Variants in TRMT11 observed in about 807,000 individuals in gnomAD.
TRMT11 encodes tRNA (guanine(10)-N(2))-methyltransferase TRMT11.
Under a neutral mutation model 62.8 loss-of-function variants are expected in TRMT11, and 53 were observed. The observed-to-expected ratio is 0.84, with a 90% CI of 0.68 to 1.06. The LOEUF (loss-of-function observed/expected upper bound fraction) is 1.06, where lower values mean the gene tolerates loss of function less well. Among genes scored for constraint, TRMT11 ranks in the 50% least tolerant of loss-of-function variants. TRMT11 has a pLI of 0.00. For missense variants in TRMT11, 556 were observed against 553.4 expected, an observed-to-expected ratio of 1.00 and a Z score of -0.05; for synonymous variants, 188 against 190.3, an observed-to-expected ratio of 0.99 and a Z score of 0.10.
intron 17 of TRMT11, among the ~76,000 whole-genome samples, chr6:126,055,438 A>G (rs1583848259): frequency 6.6e-6 from 1 of 152,248 alleles, no homozygotes; most frequent in Admixed American, 6.5e-5. Flanking sequence ...TGAACATCAG[A>G]TGAATAAAAG....
upstream of TRMT11, among the ~76,000 whole-genome samples, chr6:126,175,712 G>A (rs1778377826): frequency 6.6e-6 from 1 of 152,210 alleles, no homozygotes; most frequent in East Asian, 1.9e-4. Flanking sequence ...CTATTAGAAA[G>A]CATGAATATC....
intron 21 of TRMT11, among the ~76,000 whole-genome samples, chr6:126,149,178 A>G (rs1427984458): frequency 6.6e-6 from 1 of 152,210 alleles, no homozygotes; most frequent in Non-Finnish European, 1.5e-5. Context: ...AGCCAGAAGG[A>G]TGGTTTGTAA....
At chr6:126,011,548 T>G in intron 9 of TRMT11, 131 bp downstream of exon 9, 1 of 708,498 alleles carries the variant, frequency 1.4e-6, no homozygotes, top group Non-Finnish European at 2.3e-6. Context: ...ACCCCCAGCT[T>G]CTTCATCTTG....
chr6:126,245,395 A>G, the TRMT11 span, among the ~76,000 whole-genome samples: 1 of 152,256 alleles, frequency 6.6e-6, no homozygotes, highest in Non-Finnish European at 1.5e-5. Flanking sequence ...AAGATGGCAT[A>G]GAATCTACGT....
chr6:126,069,850 T>G (rs1388744563), intron 17 of TRMT11, among the ~76,000 whole-genome samples: 2 of 151,088 alleles, frequency 1.3e-5, no homozygotes, highest in African/African-American at 4.9e-5. Flanking sequence ...TTTCTGTAGA[T>G]GAAGGTTTTT....
intron 1 of TRMT11, among the ~76,000 whole-genome samples, chr6:126,181,052 T>A (rs1778460014): frequency 6.6e-6 from 1 of 152,232 alleles, no homozygotes; most frequent in Non-Finnish European, 1.5e-5. Context: ...AGGACACACA[T>A]TTAGAAAGAG....
chr6:126,043,623 T>G (rs1194126852), downstream of TRMT11, among the ~76,000 whole-genome samples: 4 of 152,034 alleles, frequency 2.6e-5, no homozygotes, highest in South Asian at 8.3e-4. Context: ...CCTGAGGAAT[T>G]GCCACACTGA....
intron 1 of TRMT11, among the ~76,000 whole-genome samples, chr6:126,194,887 G>A (rs1468414716): frequency 5.3e-5 from 8 of 152,116 alleles, no homozygotes; most frequent in Admixed American, 5.2e-4. Flanking sequence ...GGCTGAGGAG[G>A]GAGGATTACT....
intron 21 of TRMT11, among the ~76,000 whole-genome samples, chr6:126,167,162 T>C (rs1268071804): frequency 1.3e-5 from 2 of 152,060 alleles, no homozygotes; most frequent in South Asian, 2.1e-4. Context: ...CACTGGGGTA[T>C]GAAAAAAACT....
chr6:126,178,599 T>C (rs1300826833), intron 1 of TRMT11, among the ~76,000 whole-genome samples: 1 of 152,262 alleles, frequency 6.6e-6, no homozygotes, highest in Non-Finnish European at 1.5e-5. Flanking sequence ...CTAGATACTT[T>C]CTGTTCTGCC....
At chr6:126,058,002 AATG>A (rs965366346) in intron 17 of TRMT11, among the ~76,000 whole-genome samples, 3 of 151,808 alleles carry the variant, frequency 2.0e-5, no homozygotes, top group African/African-American at 7.3e-5. Flanking sequence ...ACATGTGCAG[AATG>A]TGCAGCATTG....
chr6:126,161,833 C>G (rs1778194435), intron 21 of TRMT11, among the ~76,000 whole-genome samples: 1 of 152,144 alleles, frequency 6.6e-6, no homozygotes, highest in African/African-American at 2.4e-5. Flanking sequence ...CTCTAATGAA[C>G]AGTGATGATG....
At chr6:126,260,715 G>A in the TRMT11 span, among the ~76,000 whole-genome samples, 2 of 152,118 alleles carry the variant, frequency 1.3e-5, no homozygotes. Context: ...TTGACTGAAA[G>A]AATTTATTTG....
At chr6:126,205,823 G>T (rs188013700), downstream of TRMT11, among the ~76,000 whole-genome samples, 4 of 151,550 alleles carry the variant, frequency 2.6e-5, no homozygotes. Flanking sequence ...GGGTGGGAGA[G>T]GCAAAAAAAG....
chr6:126,062,330 G>A (rs1569741), intron 17 of TRMT11, among the ~76,000 whole-genome samples: 86,650 of 152,126 alleles, frequency 0.57, 26,385 homozygotes, highest in East Asian at 0.92. Flanking sequence ...TAGAGGGAGG[G>A]CACTTTTGAA....
At chr6:126,176,744 GT>G (rs1778389553), upstream of TRMT11, among the ~76,000 whole-genome samples, 1 of 152,104 alleles carries the variant, frequency 6.6e-6, no homozygotes, top group African/African-American at 2.4e-5. Context: ...ATCAGTTTTA[GT>G]TTTTTTCTAT....
intron 11 of TRMT11, 62 bp from the exon 12 acceptor site, chr6:126,021,098 C>T: frequency 1.3e-6 from 2 of 1,598,744 alleles, no homozygotes; most frequent in African/African-American, 1.3e-5. Flanking sequence ...CTGGACGATC[C>T]CCATGATTCT....
At chr6:126,060,688 C>G (rs1188460561) in intron 17 of TRMT11, among the ~76,000 whole-genome samples, 1 of 152,236 alleles carries the variant, frequency 6.6e-6, no homozygotes, top group Non-Finnish European at 1.5e-5. Flanking sequence ...CCAGAAGGCA[C>G]ACAATAGCTG....
chr6:125,992,662 C>G (rs1241478505), intron 1 of TRMT11, among the ~76,000 whole-genome samples: 2 of 152,158 alleles, frequency 1.3e-5, no homozygotes, highest in East Asian at 1.9e-4. Flanking sequence ...ATTTAAGATT[C>G]TTGTATAAAG....
Sources: allele counts gnomAD v4.1 joint callset (sites outside exome capture counted in the v4.1 genomes callset), GRCh38; gene constraint gnomAD v4.1.1; transcripts MANE v1.5; gene names NCBI Gene and HGNC (gene_info 2026-07-23, HGNC 2026-07-21).